Variants in SAMMSON observed in about 807,000 individuals in gnomAD.
SAMMSON encodes the protein long intergenic non-protein coding RNA 1212.
At chr3:70,147,893 A>C (rs1297864629) in intron 4 of SAMMSON, among the ~76,000 whole-genome samples, 1 of 152,102 alleles carries the variant, frequency 6.6e-6, no homozygotes, top group Non-Finnish European at 1.5e-5. Flanking sequence ...GTATTTAAAA[A>C]TTACATTTCC....
At chr3:70,214,209 T>A (rs115143878) in intron 4 of SAMMSON, among the ~76,000 whole-genome samples, 2,785 of 152,182 alleles carry the variant, frequency 0.018, 92 homozygotes, top group African/African-American at 0.062. Flanking sequence ...ATACATATAT[T>A]TGACATTTTT....
chr3:70,066,294 G>C (rs1334750816), intron 3 of SAMMSON, among the ~76,000 whole-genome samples: 1 of 152,018 alleles, frequency 6.6e-6, no homozygotes, highest in African/African-American at 2.4e-5. Context: ...ATTCTGTTCA[G>C]TTTATTACAT....
At chr3:70,259,197 T>C (rs565133332) in intron 6 of SAMMSON, among the ~76,000 whole-genome samples, 1 of 152,262 alleles carries the variant, frequency 6.6e-6, no homozygotes, top group South Asian at 2.1e-4. Flanking sequence ...TCTAGCCATT[T>C]CCCAGAACAC....
chr3:70,107,446 G>C (rs760772747), intron 4 of SAMMSON, among the ~76,000 whole-genome samples: 26 of 152,138 alleles, frequency 1.7e-4, no homozygotes, highest in Non-Finnish European at 3.1e-4. Flanking sequence ...GCAGGGCAAT[G>C]GTTGCCAATA....
intron 4 of SAMMSON, among the ~76,000 whole-genome samples, chr3:70,216,393 C>T (rs960242839): frequency 6.6e-6 from 1 of 151,508 alleles, no homozygotes; most frequent in Non-Finnish European, 1.5e-5. Context: ...ATATATTAAC[C>T]CATTTAATAC....
chr3:70,049,533 A>G (rs1355679074), intron 3 of SAMMSON, among the ~76,000 whole-genome samples: 1 of 152,080 alleles, frequency 6.6e-6, no homozygotes, highest in Non-Finnish European at 1.5e-5. Flanking sequence ...TCTTAAGAAT[A>G]TCTCTTTCTT....
chr3:70,070,094 G>A (rs1663610354), intron 3 of SAMMSON: 1 of 151,742 alleles, frequency 6.6e-6, no homozygotes, highest in African/African-American at 2.4e-5. Flanking sequence ...ACAATGTCTG[G>A]GAATTCAGAC....
At chr3:70,144,073 A>C (rs1385065840) in intron 4 of SAMMSON, among the ~76,000 whole-genome samples, 1 of 152,160 alleles carries the variant, frequency 6.6e-6, no homozygotes, top group Non-Finnish European at 1.5e-5. Flanking sequence ...ATGCATTTAA[A>C]AACAACTTTC....
At chr3:70,139,977 T>C (rs1361526101) in intron 4 of SAMMSON, among the ~76,000 whole-genome samples, 3 of 152,202 alleles carry the variant, frequency 2.0e-5, no homozygotes, top group Admixed American at 6.5e-5. Flanking sequence ...TCATTTTTTT[T>C]CTAACATGAA....
chr3:70,139,521 CTCTG>C (rs1315528000), intron 4 of SAMMSON, among the ~76,000 whole-genome samples: 1 of 152,142 alleles, frequency 6.6e-6, no homozygotes, highest in Non-Finnish European at 1.5e-5. Flanking sequence ...ACAGGCAGCC[CTCTG>C]TCTGGGTCCT....
chr3:70,232,579 T>C, intron 4 of SAMMSON, among the ~76,000 whole-genome samples: 1 of 152,116 alleles, frequency 6.6e-6, no homozygotes, highest in African/African-American at 2.4e-5. Context: ...TTTGTATTTT[T>C]GATAGAGACG....
intron 7 of SAMMSON, among the ~76,000 whole-genome samples, chr3:70,317,202 A>G (rs1702501320): frequency 2.0e-5 from 3 of 152,004 alleles, no homozygotes; most frequent in Non-Finnish European, 4.4e-5. Context: ...AAGTGTGTGT[A>G]TATATACACA....
chr3:70,248,610 T>C (rs1413220396), intron 4 of SAMMSON, among the ~76,000 whole-genome samples: 1 of 152,050 alleles, frequency 6.6e-6, no homozygotes, highest in Non-Finnish European at 1.5e-5. Context: ...CAAGATTGGA[T>C]TAGAAGAGCA....
intron 2 of SAMMSON, among the ~76,000 whole-genome samples, chr3:70,418,950 C>A (rs553368055): frequency 8.2e-5 from 8 of 97,550 alleles, no homozygotes; most frequent in Admixed American, 4.3e-4. Flanking sequence ...CTTTCCTTTC[C>A]TTTCCTTTCC....
At chr3:70,038,433 C>G (rs1364345416) in intron 3 of SAMMSON, among the ~76,000 whole-genome samples, 1 of 152,104 alleles carries the variant, frequency 6.6e-6, no homozygotes, top group African/African-American at 2.4e-5. Context: ...TCACCAGATG[C>G]AGCTACCCAA....
intron 4 of SAMMSON, among the ~76,000 whole-genome samples, chr3:70,093,648 G>T (rs971286760): frequency 1.3e-5 from 2 of 152,112 alleles, no homozygotes; most frequent in Non-Finnish European, 2.9e-5. Flanking sequence ...TGGGTATGGT[G>T]CACAGAGATC....
intron 4 of SAMMSON, among the ~76,000 whole-genome samples, chr3:70,245,317 T>C (rs1701696472): frequency 6.6e-6 from 1 of 152,176 alleles, no homozygotes; most frequent in South Asian, 2.1e-4. Flanking sequence ...TTTTCCTCTC[T>C]CATTGCCTAA....
intron 1 of SAMMSON, among the ~76,000 whole-genome samples, chr3:70,005,483 A>G (rs1030359615): frequency 2.6e-5 from 4 of 152,064 alleles, no homozygotes; most frequent in Admixed American, 2.0e-4. Flanking sequence ...TTCTGGCCCA[A>G]GCTTTTTTAG....
chr3:70,372,741 TTTAAATTTTCATGAAC>T (rs1400321300), intron 9 of SAMMSON, among the ~76,000 whole-genome samples: 1 of 152,200 alleles, frequency 6.6e-6, no homozygotes, highest in Non-Finnish European at 1.5e-5. Flanking sequence ...AATCAAAAGT[TTTAAATTTTCATGAAC>T]TTAAATTTAT....
Sources: allele counts gnomAD v4.1 joint callset (sites outside exome capture counted in the v4.1 genomes callset), GRCh38; gene constraint gnomAD v4.1.1; transcripts MANE v1.5; gene names NCBI Gene and HGNC (gene_info 2026-07-23, HGNC 2026-07-21).